HHAT: variants seen among roughly 807,000 people sequenced by gnomAD.
HHAT encodes the protein hedgehog acyltransferase, also known as protein-cysteine N-palmitoyltransferase HHAT.
Under a neutral mutation model 70.8 loss-of-function variants are expected in HHAT, and 47 were observed. The ratio of observed to expected loss-of-function variants is 0.66; its 90% confidence interval spans 0.53 to 0.85. HHAT has a LOEUF of 0.85. Ranked by LOEUF, HHAT falls within the 40% of genes least tolerant of loss-of-function variation. The pLI, the probability that HHAT is intolerant of heterozygous loss-of-function variation, is 0.00. For missense variants in HHAT, 609 were observed against 604.8 expected, an observed-to-expected ratio of 1.01 and a Z score of -0.07; for synonymous variants, 228 against 247.6, an observed-to-expected ratio of 0.92 and a Z score of 0.74.
chr1:210,491,064 A>AGAGAGT (rs71785485), intron 8 of HHAT, among the ~76,000 whole-genome samples: 3,516 of 36,130 alleles, frequency 0.097, 81 homozygotes, highest in South Asian at 0.18. Flanking sequence ...ACACACACAT[A>AGAGAGT]GTGTGTGTGT....
At chr1:210,608,971 G>T (rs145764629) in intron 10 of HHAT, among the ~76,000 whole-genome samples, 299 of 152,268 alleles carry the variant, frequency 2.0e-3, no homozygotes, top group African/African-American at 7.1e-3. Flanking sequence ...GAAGTGCCAA[G>T]CGAAGGGGGA....
At chr1:210,491,848 C>T (rs1572810865) in intron 8 of HHAT, among the ~76,000 whole-genome samples, 1 of 152,130 alleles carries the variant, frequency 6.6e-6, no homozygotes, top group African/African-American at 2.4e-5. Context: ...CTGCAACCTC[C>T]ACCTCCTGGG....
chr1:210,497,447 T>C (rs186484776), intron 8 of HHAT, among the ~76,000 whole-genome samples: 1 of 152,324 alleles, frequency 6.6e-6, no homozygotes, highest in African/African-American at 2.4e-5. Context: ...CCTCGGGTTC[T>C]TAACTTGAAA....
At chr1:210,359,286 A>G (rs2087986225) in intron 2 of HHAT, among the ~76,000 whole-genome samples, 1 of 152,242 alleles carries the variant, frequency 6.6e-6, no homozygotes, top group African/African-American at 2.4e-5. Context: ...TGCCAAAATT[A>G]TAAATATAAC....
chr1:210,673,162 C>T (rs959282453), intron 11 of HHAT, among the ~76,000 whole-genome samples: 3 of 152,094 alleles, frequency 2.0e-5, no homozygotes, highest in Non-Finnish European at 2.9e-5. Flanking sequence ...TGGCTGCTGG[C>T]GCCTTCCTGT....
rs59554789 is a variant in HHAT at position 210,394,229 on chromosome 1, C to CTTTTTTTTTTTT, written c.274-6215_274-6204dup. On this transcript the variant is annotated intron_variant, in intron 4 of 11. Transcript: ENST00000261458. ...TTTTATTTTCAAAAGCATGATCTAT[C>CTTTTTTTTTTTT]TTTTTTTTTTTTTTTTTTTTTTTTT... is the stretch of plus-strand genomic sequence containing the variant. 5.5e-4 allele frequency among the ~76,000 whole-genome samples: 64 copies of CTTTTTTTTTTTT among 116,320 alleles called. 4 individuals carry two copies. Among genetic ancestry groups the CTTTTTTTTTTTT allele is most frequent in the East Asian group, 4.6e-3 (11 of 2,400 alleles). 76.3% of individuals were successfully genotyped at this position (116,320 alleles called of 152,430 possible). A position where few individuals can be genotyped will look rare whatever the true frequency, so the allele number is the denominator to read the frequency against.
intron 8 of HHAT, among the ~76,000 whole-genome samples, chr1:210,487,842 GAC>G (rs1405632052): frequency 6.6e-6 from 1 of 152,158 alleles, no homozygotes; most frequent in Non-Finnish European, 1.5e-5. Flanking sequence ...GCTACCAAGA[GAC>G]AGCTTTTATC....
chr1:210,570,761 AAGTCACTTAAGGC>A (rs1414999781), intron 9 of HHAT, among the ~76,000 whole-genome samples: 1 of 152,132 alleles, frequency 6.6e-6, no homozygotes, highest in Non-Finnish European at 1.5e-5. Flanking sequence ...GCTGCAGGAG[AAGTCACTTAAGGC>A]AGTGCTGTCA....
At chr1:210,385,642 G>A (rs2090988704) in intron 3 of HHAT, among the ~76,000 whole-genome samples, 1 of 152,190 alleles carries the variant, frequency 6.6e-6, no homozygotes, top group Admixed American at 6.5e-5. Flanking sequence ...GGGAGCATGT[G>A]TAATCTGAGA....
At chr1:210,645,825 GTGGTTCATGCAC>G (rs1199014019) in intron 11 of HHAT, among the ~76,000 whole-genome samples, 1 of 152,150 alleles carries the variant, frequency 6.6e-6, no homozygotes, top group Non-Finnish European at 1.5e-5. Context: ...GAGACTTGTA[GTGGTTCATGCAC>G]TGGAAACCCC....
intron 9 of HHAT, among the ~76,000 whole-genome samples, chr1:210,537,846 C>G (rs538524686): frequency 6.6e-6 from 1 of 152,168 alleles, no homozygotes; most frequent in East Asian, 1.9e-4. Flanking sequence ...TTTCCTTTAC[C>G]CTTTTCAATT....
At chr1:210,603,983 T>A (rs1332797717) in intron 10 of HHAT, among the ~76,000 whole-genome samples, 1 of 152,210 alleles carries the variant, frequency 6.6e-6, no homozygotes, top group African/African-American at 2.4e-5. Flanking sequence ...GAACAGACAC[T>A]GACTGTCTGC....
Position 210,540,590 on chromosome 1 carries a change from A to G in HHAT, c.1043+27402A>G, listed in dbSNP as rs543955179. On this transcript the variant is annotated intron_variant, in intron 9 of 11. Transcript: ENST00000261458. ...AGTGTGTATAAAAATATATATATAT[A>G]GAAAACACACACTATGTGTATGTTT... Among the ~76,000 whole-genome samples, 6 of 152,072 alleles carry G rather than the reference A, an allele frequency of 3.9e-5. No individual in the cohort carries two copies. In the South Asian group the frequency reaches 1.2e-3, roughly 32 times the overall value.
intron 11 of HHAT, among the ~76,000 whole-genome samples, chr1:210,629,784 TCA>T (rs1670501765): frequency 6.6e-6 from 1 of 152,156 alleles, no homozygotes. Flanking sequence ...TCTGCTTCTG[TCA>T]CACATATCTG....
chr1:210,423,825 CT>C (rs2092976431), intron 7 of HHAT, among the ~76,000 whole-genome samples: 1 of 152,072 alleles, frequency 6.6e-6, no homozygotes, highest in South Asian at 2.1e-4. Context: ...TTTTTGGCAT[CT>C]TTGTCAAAAA....
chr1:210,367,963 C>G (rs974397018), intron 3 of HHAT, among the ~76,000 whole-genome samples: 1 of 143,248 alleles, frequency 7.0e-6, no homozygotes, highest in African/African-American at 2.6e-5. Flanking sequence ...TGGGGTGAAC[C>G]CAGCCTTGCT....
chr1:210,500,339 TA>T (rs1272050925), intron 8 of HHAT, among the ~76,000 whole-genome samples: 1 of 152,248 alleles, frequency 6.6e-6, no homozygotes, highest in Non-Finnish European at 1.5e-5. Context: ...GCTCAGCTTT[TA>T]AGATTGTATT....
chr1:210,511,206 C>G (rs1256403998), intron 8 of HHAT, among the ~76,000 whole-genome samples: 4 of 152,168 alleles, frequency 2.6e-5, no homozygotes, highest in African/African-American at 9.7e-5. Context: ...TGAAACACAT[C>G]AGCTCTCCCT....
intron 9 of HHAT, among the ~76,000 whole-genome samples, chr1:210,548,707 A>T (rs1201072392): frequency 6.6e-6 from 1 of 152,234 alleles, no homozygotes; most frequent in East Asian, 1.9e-4. Context: ...TGAAGAAGGA[A>T]ATCACTGGAC....
Sources: allele counts gnomAD v4.1 joint callset (sites outside exome capture counted in the v4.1 genomes callset), GRCh38; gene constraint gnomAD v4.1.1; transcripts MANE v1.5; gene names NCBI Gene and HGNC (gene_info 2026-07-23, HGNC 2026-07-21).